The following SUPT3H variants were observed in gnomAD, a reference collection of about 807,000 sequenced individuals.
SUPT3H encodes transcription initiation protein SPT3 homolog.
In SUPT3H, 44 loss-of-function variants were observed where a neutral mutation model predicts 44.3. The observed-to-expected ratio is 0.99, with a 90% CI of 0.78 to 1.28. The LOEUF is 1.28. Ranked by LOEUF, SUPT3H falls within the 50% of genes most tolerant of loss-of-function variation. The pLI, the probability that SUPT3H is intolerant of heterozygous loss-of-function variation, is 0.00. For missense variants in SUPT3H, 380 were observed against 387.1 expected, an observed-to-expected ratio of 0.98 and a Z score of 0.15; for synonymous variants, 124 against 125.6, an observed-to-expected ratio of 0.99 and a Z score of 0.09.
At chr6:45,076,183 G>A (rs571585740) in intron 3 of SUPT3H, among the ~76,000 whole-genome samples, 23 of 152,206 alleles carry the variant, frequency 1.5e-4, no homozygotes, top group African/African-American at 4.1e-4. Flanking sequence ...TGTCAATTGC[G>A]TTAAATGTTC....
chr6:45,336,927 C>T (rs1788683889), intron 2 of SUPT3H, among the ~76,000 whole-genome samples: 1 of 151,510 alleles, frequency 6.6e-6, no homozygotes, highest in Admixed American at 6.6e-5. Context: ...AATGGCCTTA[C>T]TCATTATTAT....
At chr6:45,108,276 G>A (rs1799551962) in intron 2 of SUPT3H, among the ~76,000 whole-genome samples, 1 of 152,168 alleles carries the variant, frequency 6.6e-6, no homozygotes, top group Non-Finnish European at 1.5e-5. Flanking sequence ...AGGAGTTTGA[G>A]ACCAGCCTGG....
At chr6:45,068,659 G>A (rs554756225) in intron 3 of SUPT3H, among the ~76,000 whole-genome samples, 7 of 152,082 alleles carry the variant, frequency 4.6e-5, no homozygotes, top group Non-Finnish European at 8.8e-5. Context: ...TTTTCCCTCT[G>A]AGCCCAGGCT....
At chr6:45,113,195 T>C (rs910760475) in intron 2 of SUPT3H, among the ~76,000 whole-genome samples, 2 of 152,056 alleles carry the variant, frequency 1.3e-5, no homozygotes, top group African/African-American at 4.8e-5. Flanking sequence ...TAAATGGAAT[T>C]AGAGTGAATA....
intron 2 of SUPT3H, among the ~76,000 whole-genome samples, chr6:45,214,594 C>A (rs1473734200): frequency 6.6e-6 from 1 of 152,102 alleles, no homozygotes; most frequent in Non-Finnish European, 1.5e-5. Flanking sequence ...CATCTGTAAT[C>A]CCAGCTGCTC....
At chr6:44,989,659 A>G (rs1397980729) in intron 6 of SUPT3H, among the ~76,000 whole-genome samples, 1 of 151,950 alleles carries the variant, frequency 6.6e-6, no homozygotes, top group African/African-American at 2.4e-5. Flanking sequence ...ACGCCCTAAC[A>G]CTTACCTCTT....
At chr6:45,033,915 T>G (rs1473680146) in intron 3 of SUPT3H, among the ~76,000 whole-genome samples, 3 of 152,118 alleles carry the variant, frequency 2.0e-5, no homozygotes, top group African/African-American at 4.8e-5. Context: ...TTTTGAGAAT[T>G]TAACTGGCTG....
At chr6:45,097,513 G>A (rs1266743061) in intron 3 of SUPT3H, 1 of 152,266 alleles carries the variant, frequency 6.6e-6, no homozygotes, top group Non-Finnish European at 1.5e-5. Flanking sequence ...TATGCAGGCT[G>A]TGAGAGGCTT....
chr6:45,315,934 T>TAGATAGAG (rs1784614756), intron 2 of SUPT3H, among the ~76,000 whole-genome samples: 1 of 143,582 alleles, frequency 7.0e-6, no homozygotes, highest in Non-Finnish European at 1.6e-5. Flanking sequence ...GATAGATAGA[T>TAGATAGAG]AGATAGATAG....
At chr6:45,078,043 C>G (rs1212173883) in intron 3 of SUPT3H, among the ~76,000 whole-genome samples, 3 of 152,060 alleles carry the variant, frequency 2.0e-5, no homozygotes, top group African/African-American at 7.2e-5. Flanking sequence ...TGGCTAATTT[C>G]AGTATTTTCA....
intron 6 of SUPT3H, among the ~76,000 whole-genome samples, chr6:44,998,505 T>C (rs1157769774): frequency 6.6e-6 from 1 of 151,858 alleles, no homozygotes; most frequent in Non-Finnish European, 1.5e-5. Context: ...AATGGCAAAA[T>C]GATAAATTGT....
intron 6 of SUPT3H, among the ~76,000 whole-genome samples, chr6:44,975,452 T>C (rs1778191462): frequency 6.6e-6 from 1 of 152,128 alleles, no homozygotes; most frequent in African/African-American, 2.4e-5. Flanking sequence ...GAGTTGGAGA[T>C]CATTATTCTA....
chr6:45,046,116 C>T (rs1045837706), intron 3 of SUPT3H, among the ~76,000 whole-genome samples: 5 of 152,126 alleles, frequency 3.3e-5, no homozygotes, highest in African/African-American at 4.8e-5. Flanking sequence ...GCACATGGCA[C>T]GAAGAAAGGA....
chr6:45,233,325 A>G (rs1256073778), intron 2 of SUPT3H, among the ~76,000 whole-genome samples: 1 of 152,148 alleles, frequency 6.6e-6, no homozygotes, highest in Non-Finnish European at 1.5e-5. Context: ...TGTGGTCCCG[A>G]AGACAGGATG....
chr6:45,226,809 G>T (rs572593408), intron 2 of SUPT3H, among the ~76,000 whole-genome samples: 1 of 151,906 alleles, frequency 6.6e-6, no homozygotes, highest in African/African-American at 2.4e-5. Context: ...GATTACAGGC[G>T]TGAGCCACTG....
intron 10 of SUPT3H, 108 bp downstream of exon 10, chr6:44,932,545 C>A: frequency 1.4e-6 from 1 of 701,218 alleles, no homozygotes; most frequent in South Asian, 2.1e-5. Context: ...AAATTACAGT[C>A]ACCACAAATT....
rs762732551 is a variant in SUPT3H at position 45,346,105 on chromosome 6, C to T, written c.101+19096G>A. 1.6e-4 allele frequency among the ~76,000 whole-genome samples: 25 copies of T among 152,162 alleles called. 1 individual carries two copies. Among genetic ancestry groups the T allele is most frequent in the Non-Finnish European group, 3.7e-4 (25 of 68,028 alleles). Reference sequence around the variant, plus strand: ...TCCAAATTGAAAACTCTCTGATCCACCTCCATATTCCTATAGTAGCATATC... The same window carrying T: ...TCCAAATTGAAAACTCTCTGATCCATCTCCATATTCCTATAGTAGCATATC... On this transcript the variant is annotated intron_variant, in intron 2 of 10. Transcript: ENST00000371459.
At chr6:45,146,240 G>C (rs557427626) in intron 2 of SUPT3H, among the ~76,000 whole-genome samples, 10 of 152,152 alleles carry the variant, frequency 6.6e-5, no homozygotes, top group Middle Eastern at 3.4e-3. Flanking sequence ...AGCACGATTC[G>C]CAACTGCAAA....
intron 6 of SUPT3H, among the ~76,000 whole-genome samples, chr6:44,982,194 G>C (rs908144167): frequency 6.6e-6 from 1 of 151,676 alleles, no homozygotes; most frequent in Non-Finnish European, 1.5e-5. Context: ...TTGTTTGTTT[G>C]TTTGTTTGTT....
Sources: gnomAD v4.1 joint callset for allele counts (sites outside exome capture counted in the v4.1 genomes callset) on GRCh38, gnomAD v4.1.1 for gene constraint, MANE v1.5 for transcripts, NCBI Gene and HGNC (gene_info 2026-07-23, HGNC 2026-07-21) for gene names.